ADCY9: variants seen among roughly 807,000 people sequenced by gnomAD.
The protein encoded by ADCY9 is adenylate cyclase type 9.
A neutral mutation model predicts 101.5 loss-of-function variants in ADCY9; 50 were observed. The observed-to-expected ratio is 0.49, with a 90% CI of 0.39 to 0.62. ADCY9 has a LOEUF of 0.62. Among genes scored for constraint, ADCY9 ranks in the 20% least tolerant of loss-of-function variants. ADCY9 has a pLI of 0.00. For missense variants in ADCY9, 1,662 were observed against 1,800.4 expected (o/e 0.92, Z 1.39); for synonymous variants, 905 against 769.3 (o/e 1.18, Z -2.92).
In ADCY9 at chr16:4,072,112, T is replaced by C. The variant is rs2056838312; in HGVS notation, c.1693+41638A>G. Among the ~76,000 whole-genome samples, 4 of 152,230 alleles carry C rather than the reference T, an allele frequency of 2.6e-5. No homozygotes were observed. In the South Asian group the frequency reaches 8.3e-4, roughly 31 times the overall value. On this transcript the variant is annotated intron_variant, in intron 2 of 10. Transcript: ENST00000294016. ...TAAAAGCCTGTGAATCTCCCTTGTT[T>C]GGAATCCCACTGGGCCCGATCTGTT...
intron 3 of ADCY9, among the ~76,000 whole-genome samples, chr16:3,995,853 C>G (rs969513651): frequency 6.6e-6 from 1 of 152,138 alleles, no homozygotes; most frequent in African/African-American, 2.4e-5. Flanking sequence ...TAAATTTGAA[C>G]ATTTGTATGC....
downstream of ADCY9, among the ~76,000 whole-genome samples, chr16:3,961,243 T>C (rs376319790): frequency 7.9e-4 from 119 of 150,992 alleles, 3 homozygotes; most frequent in South Asian, 0.024. Flanking sequence ...AACCCAGGAG[T>C]TCGAGAACAG....
chr16:4,069,272 G>GTTATTATTA (rs57466737), intron 2 of ADCY9, among the ~76,000 whole-genome samples: 17,323 of 147,248 alleles, frequency 0.12, 1,124 homozygotes, highest in African/African-American at 0.18. Flanking sequence ...GTTGTTGTAA[G>GTTATTATTA]TTATTATTAT....
At chr16:4,110,415 C>T (rs1156666211) in intron 2 of ADCY9, among the ~76,000 whole-genome samples, 6 of 129,456 alleles carry the variant, frequency 4.6e-5, no homozygotes, top group South Asian at 2.5e-4. Context: ...GACGCAGTCT[C>T]GCCTAGGCTG....
At chr16:3,969,609 T>TATATATATATATATATAC (rs1321798408) in intron 10 of ADCY9, among the ~76,000 whole-genome samples, 1 of 94,936 alleles carries the variant, frequency 1.1e-5, no homozygotes, top group African/African-American at 5.4e-5. Flanking sequence ...TATATATATA[T>TATATATATATATATATAC]GTATTTTTTT....
At position 4,011,889 on chromosome 16, in the gene ADCY9, G is replaced by A. The variant is rs1436120439; in HGVS notation, c.1694-4331C>T. On this transcript the variant is annotated intron_variant, in intron 2 of 10. Transcript: ENST00000294016. The stretch of plus-strand genomic sequence containing the variant: ...CAGTTTCCTCATCTCTAAGGCGAGG[G>A]CAGGAGGAGGGCTTACCACACAGCT... Among the ~76,000 whole-genome samples the A allele has an allele frequency of 2.6e-5, 4 of 152,352 alleles. No individual in the cohort carries two copies. The East Asian group carries it at 5.8e-4, about 22-fold the overall frequency.
In ADCY9 at chr16:4,097,553, A is replaced by ATATATATATTTTTT. The variant is rs1382458827; in HGVS notation, c.1693+16196_1693+16197insAAAAAATATATATA. Among the ~76,000 whole-genome samples, 22 of 53,402 alleles carry ATATATATATTTTTT rather than the reference A, an allele frequency of 4.1e-4. 1 individual carries two copies. Among genetic ancestry groups the ATATATATATTTTTT allele is most frequent in the African/African-American group, 7.8e-4 (9 of 11,588 alleles). The allele number at this position is 53,402 out of a possible 152,430, so 35.0% of individuals were successfully genotyped here. A position where few individuals can be genotyped will look rare whatever the true frequency, so the allele number is the denominator to read the frequency against. On this transcript the variant is annotated intron_variant, in intron 2 of 10. Coordinates refer to ENST00000294016, the MANE Select transcript of ADCY9 (RefSeq NM_001116.4). ...CATATATATATATATATATATATAT[A>ATATATATATTTTTT]TTTTTTTTTTTTTTTTTTAAGACAG...
chr16:4,010,233 G>A (rs1597162732), intron 2 of ADCY9, among the ~76,000 whole-genome samples: 1 of 152,200 alleles, frequency 6.6e-6, no homozygotes, highest in African/African-American at 2.4e-5. Context: ...CCAGGTGACT[G>A]CGCACCTGCT....
chr16:3,996,698 T>C (rs1243004524), intron 3 of ADCY9, among the ~76,000 whole-genome samples: 1 of 152,238 alleles, frequency 6.6e-6, no homozygotes, highest in Non-Finnish European at 1.5e-5. Flanking sequence ...AACTATGCTC[T>C]CTGGTCATTA....
chr16:4,031,613 G>A (rs1357819737), intron 2 of ADCY9, among the ~76,000 whole-genome samples: 1 of 152,196 alleles, frequency 6.6e-6, no homozygotes. Flanking sequence ...GCCAGGCACA[G>A]TAGCTCACAC....
chr16:3,982,697 C>T (rs139270327), intron 7 of ADCY9: 18 of 156,234 alleles, frequency 1.2e-4, no homozygotes, highest in South Asian at 4.0e-4. Flanking sequence ...TGTTCCCTCC[C>T]GTTCTGTGGG....
downstream of ADCY9, among the ~76,000 whole-genome samples, chr16:3,962,252 C>G (rs1461692104): frequency 1.3e-5 from 2 of 152,160 alleles, no homozygotes; most frequent in African/African-American, 4.8e-5. Flanking sequence ...CCCCAGTGAT[C>G]TGTGTACCTG....
chr16:4,017,720 T>G (rs2056447712), intron 2 of ADCY9, among the ~76,000 whole-genome samples: 1 of 151,004 alleles, frequency 6.6e-6, no homozygotes, highest in Non-Finnish European at 1.5e-5. Context: ...CCAAATAACC[T>G]TGAAGAACTA....
intron 2 of ADCY9, among the ~76,000 whole-genome samples, chr16:4,086,329 T>G (rs1255956112): frequency 1.3e-5 from 2 of 152,110 alleles, no homozygotes; most frequent in African/African-American, 4.8e-5. Flanking sequence ...ACATGCCATG[T>G]ACTACGTGGC....
chr16:4,114,624 T>C lies in ADCY9; in HGVS notation c.819A>G (p.Gly273=), dbSNP rs767093623. ...FRDEACFPSP[G]AGALHWELLS... ...GCAGCTCCCAGTGCAGGGCCCCGGC[T>C]CCGGGCGAGGGGAAGCAGGCTTCAT... The change falls in exon 2 of 11, where the codon GGA becomes GGG. Residue 273 remains glycine, a synonymous_variant. Coordinates refer to ENST00000294016, the MANE Select transcript of ADCY9 (RefSeq NM_001116.4). This position sits in a 1 kb window ranked among gnomAD's most constrained non-coding sequence, Gnocchi z 4.3. 2 of 1,613,562 alleles carry C rather than the reference T, an allele frequency of 1.2e-6. No homozygotes were observed. Among genetic ancestry groups the C allele is most frequent in the Non-Finnish European group, 1.7e-6 (2 of 1,180,016 alleles).
intron 2 of ADCY9, among the ~76,000 whole-genome samples, chr16:4,058,536 C>T (rs1300433505): frequency 6.6e-6 from 1 of 151,874 alleles, no homozygotes; most frequent in Non-Finnish European, 1.5e-5. Context: ...AGCTCAGGCC[C>T]GGAACCCCAT....
intron 5 of ADCY9, among the ~76,000 whole-genome samples, chr16:3,990,601 T>C (rs943357020): frequency 6.6e-6 from 1 of 152,164 alleles, no homozygotes; most frequent in Non-Finnish European, 1.5e-5. Flanking sequence ...GTGACAGGTA[T>C]CCAGTAACTT....
intron 3 of ADCY9, among the ~76,000 whole-genome samples, chr16:3,994,542 A>G (rs2056272275): frequency 6.6e-6 from 1 of 152,032 alleles, no homozygotes; most frequent in Non-Finnish European, 1.5e-5. Context: ...TGCAACGTCC[A>G]CCTCCTGGGT....
In ADCY9 at chr16:4,114,414, G is replaced by T; in HGVS notation, c.1029C>A (p.Ala343=). ...CATCTCCCTGCTTCATTAAGTCATCGGCTATGATTCTTGGCATCACGGAAT... is the reference window on the plus strand; with the variant it reads ...CATCTCCCTGCTTCATTAAGTCATCTGCTATGATTCTTGGCATCACGGAAT... ...MIHSVMPRII[A]DDLMKQGDEE... Residue 343 remains alanine (A), a synonymous_variant, in exon 2 of 11, where the codon GCC becomes GCA. Transcript: ENST00000294016. This position sits in a 1 kb window ranked among gnomAD's most constrained non-coding sequence, Gnocchi z 4.3. 1 of 1,614,064 alleles carries T rather than the reference G, an allele frequency of 6.2e-7. No homozygotes were observed. The highest frequency in any genetic ancestry group is 8.5e-7 in the Non-Finnish European group (1 of 1,180,026).
Sources: allele counts gnomAD v4.1 joint callset (sites outside exome capture counted in the v4.1 genomes callset), GRCh38; gene constraint gnomAD v4.1.1; non-coding constraint Gnocchi (gnomAD v3.1); transcripts MANE v1.5; gene names NCBI Gene and HGNC (gene_info 2026-07-23, HGNC 2026-07-21).